RNF125: variants seen among roughly 807,000 people sequenced by gnomAD.
The protein encoded by RNF125 is ring finger protein 125.
Under a neutral mutation model 26.0 loss-of-function variants are expected in RNF125, and 21 were observed. That is an observed-to-expected ratio of 0.81 (90% CI 0.57 to 1.16). The LOEUF (loss-of-function observed/expected upper bound fraction) is 1.16, where lower values mean the gene tolerates loss of function less well. Ranked by LOEUF, RNF125 falls within the 50% of genes most tolerant of loss-of-function variation. The pLI, the probability that RNF125 is intolerant of heterozygous loss-of-function variation, is 0.00. For synonymous variants in RNF125, 95 were observed against 109.2 expected (o/e 0.87, Z 0.81); for missense variants, 270 against 299.4 (o/e 0.90, Z 0.72).
At chr18:32,088,158 G>A in the RNF125 span, among the ~76,000 whole-genome samples, 1 of 152,182 alleles carries the variant, frequency 6.6e-6, no homozygotes, top group Non-Finnish European at 1.5e-5. Context: ...AATTGGCACT[G>A]GTCATTCAGG....
chr18:32,024,341 G>A (rs1181692953), intron 1 of RNF125, among the ~76,000 whole-genome samples: 2 of 151,374 alleles, frequency 1.3e-5, no homozygotes, highest in Non-Finnish European at 2.9e-5. Flanking sequence ...TTACAGGCGT[G>A]CACCACCACA....
intron 3 of RNF125, 101 bp from the exon 4 acceptor site, chr18:32,045,541 A>T: frequency 1.5e-6 from 1 of 657,062 alleles, no homozygotes; most frequent in Non-Finnish European, 2.5e-6. Flanking sequence ...AGCCTGGGCC[A>T]CAGAGCAAGA....
the RNF125 span, among the ~76,000 whole-genome samples, chr18:32,082,461 T>C: frequency 6.6e-6 from 1 of 152,168 alleles, no homozygotes; most frequent in Non-Finnish European, 1.5e-5. Flanking sequence ...GAGCGTAGAT[T>C]CAGGATGCTG....
intron 3 of RNF125, among the ~76,000 whole-genome samples, chr18:32,044,749 G>T (rs923901305): frequency 1.8e-4 from 28 of 152,230 alleles, no homozygotes; most frequent in African/African-American, 6.7e-4. Flanking sequence ...TTTAGATGGG[G>T]TGTTATTTGT....
intron 4 of RNF125, among the ~76,000 whole-genome samples, chr18:32,048,710 C>A (rs1011798627): frequency 2.0e-5 from 3 of 152,050 alleles, no homozygotes; most frequent in African/African-American, 7.2e-5. Flanking sequence ...TCTTAATGGC[C>A]TAGGGAGTTG....
Position 32,030,164 on chromosome 18 carries a change from C to T in RNF125, c.165-6952C>T, listed in dbSNP as rs1006104474. ...GTTCAAGCGATTCTCCTGCCTCAGC[C>T]TCCTGAGTAGCTGGGACTACTGGCG... is the stretch of plus-strand genomic sequence containing the variant. On this transcript the variant is annotated intron_variant, in intron 1 of 5. Coordinates refer to ENST00000217740, the MANE Select transcript of RNF125 (RefSeq NM_017831.4). Among the ~76,000 whole-genome samples the T allele has an allele frequency of 3.2e-4, 48 of 152,168 alleles. 1 individual carries two copies. Among genetic ancestry groups the T allele is most frequent in the Non-Finnish European group, 3.5e-4 (24 of 68,036 alleles).
At chr18:32,090,493 A>C in the RNF125 span, among the ~76,000 whole-genome samples, 1 of 152,216 alleles carries the variant, frequency 6.6e-6, no homozygotes, top group Non-Finnish European at 1.5e-5. Context: ...AGAGGGAATT[A>C]GCTATTCATT....
Position 32,034,859 on chromosome 18 carries a change from G to A in RNF125, c.165-2257G>A, listed in dbSNP as rs2039136570. On this transcript the variant is annotated intron_variant, in intron 1 of 5. Coordinates refer to ENST00000217740, the MANE Select transcript of RNF125 (RefSeq NM_017831.4). ...GAACCTGAGAGACGGAGGTTGCAGTGAGCCGAGATTGTACCTGGGCAACAG... is the reference window on the plus strand; with the variant it reads ...GAACCTGAGAGACGGAGGTTGCAGTAAGCCGAGATTGTACCTGGGCAACAG... 2.8e-5 allele frequency among the ~76,000 whole-genome samples: 4 copies of A among 143,438 alleles called. No individual in the cohort carries two copies. In the South Asian group the frequency reaches 8.7e-4, roughly 31 times the overall value. 94.1% of individuals were successfully genotyped at this position (143,438 alleles called of 152,430 possible). A position where few individuals can be genotyped will look rare whatever the true frequency, so the allele number is the denominator to read the frequency against.
intron 4 of RNF125, among the ~76,000 whole-genome samples, chr18:32,048,624 C>T (rs1295967116): frequency 1.3e-5 from 2 of 152,158 alleles, no homozygotes; most frequent in African/African-American, 4.8e-5. Flanking sequence ...AGTGATCTAG[C>T]TCCAGGGCTG....
chr18:32,084,354 C>CCAAA, the RNF125 span, among the ~76,000 whole-genome samples: 37 of 152,074 alleles, frequency 2.4e-4, no homozygotes, highest in East Asian at 9.7e-4. Flanking sequence ...GACTATGTCT[C>CCAAA]CAAACAAACA....
chr18:32,082,132 C>T, the RNF125 span, among the ~76,000 whole-genome samples: 12 of 152,118 alleles, frequency 7.9e-5, no homozygotes, highest in Admixed American at 2.6e-4. Context: ...GGCTTCCCTC[C>T]TGGCAAATCA....
chr18:32,059,618 T>A (rs2039416740), intron 4 of RNF125, among the ~76,000 whole-genome samples: 1 of 152,190 alleles, frequency 6.6e-6, no homozygotes, highest in African/African-American at 2.4e-5. Context: ...CTGAAGCTTT[T>A]GGATGTGATT....
At chr18:32,030,454 G>A (rs957017056) in intron 1 of RNF125, among the ~76,000 whole-genome samples, 5 of 152,194 alleles carry the variant, frequency 3.3e-5, no homozygotes, top group Non-Finnish European at 4.4e-5. Context: ...GCAGTAAAGC[G>A]TACATCAAAT....
the RNF125 span, among the ~76,000 whole-genome samples, chr18:32,090,672 TTC>T: frequency 6.6e-6 from 1 of 152,242 alleles, no homozygotes; most frequent in African/African-American, 2.4e-5. Flanking sequence ...ATACCATTTT[TTC>T]TCTCTCATTC....
the RNF125 span, among the ~76,000 whole-genome samples, chr18:32,085,373 C>CAGAG: frequency 0.025 from 3,279 of 128,682 alleles, 54 homozygotes; most frequent in African/African-American, 0.037. Context: ...CTGCCAGAAG[C>CAGAG]AGAGAGAGAG....
intron 2 of RNF125, among the ~76,000 whole-genome samples, chr18:32,037,904 C>T (rs564071799): frequency 1.7e-4 from 26 of 152,118 alleles, no homozygotes; most frequent in Admixed American, 1.0e-3. Context: ...GGAACATGGG[C>T]GGGGACGATA....
At chr18:32,030,044 T>C (rs2039076857) in intron 1 of RNF125, among the ~76,000 whole-genome samples, 1 of 152,208 alleles carries the variant, frequency 6.6e-6, no homozygotes, top group Non-Finnish European at 1.5e-5. Flanking sequence ...TTTTATTTTT[T>C]ATTATTTAAT....
chr18:32,026,090 A>T (rs1376394920), intron 1 of RNF125, among the ~76,000 whole-genome samples: 2 of 138,566 alleles, frequency 1.4e-5, no homozygotes, highest in African/African-American at 5.3e-5. Context: ...TTTGAGATGG[A>T]GTCTTGCTCT....
In RNF125 at chr18:32,070,154, T is replaced by A. The variant is rs532590961; in HGVS notation, c.*1770T>A. 6.6e-6 allele frequency: 1 copy of A among 152,146 alleles called. No individual in the cohort carries two copies. The highest frequency in any genetic ancestry group is 1.5e-5 in the Non-Finnish European group (1 of 68,132). The allele number at this position is 152,146 out of a possible 1,614,324, so 9.4% of individuals were successfully genotyped here. ...CTCCCGGGTTCAAGCAGTTCTCCTG[T>A]TTCAGCCTCCCAAGTAGCTGGGACT... On this transcript the variant is annotated 3_prime_UTR_variant, in exon 6 of 6. Coordinates refer to ENST00000217740, the MANE Select transcript of RNF125 (RefSeq NM_017831.4).
Sources: allele counts gnomAD v4.1 joint callset (sites outside exome capture counted in the v4.1 genomes callset), GRCh38; gene constraint gnomAD v4.1.1; transcripts MANE v1.5; gene names NCBI Gene and HGNC (gene_info 2026-07-23, HGNC 2026-07-21).